ALPK2: variants seen among roughly 807,000 people sequenced by gnomAD.
ALPK2 encodes the protein alpha kinase 2, also known as alpha-protein kinase 2.
In ALPK2, 127 loss-of-function variants were observed where a neutral mutation model predicts 163.1. The ratio of observed to expected loss-of-function variants is 0.78; its 90% confidence interval spans 0.67 to 0.90. The LOEUF is 0.90. Among genes scored for constraint, ALPK2 ranks in the 40% least tolerant of loss-of-function variants. The pLI, the probability that ALPK2 is intolerant of heterozygous loss-of-function variation, is 0.00. For synonymous variants in ALPK2, 953 were observed against 959.1 expected (o/e 0.99, Z 0.12); for missense variants, 2,360 against 2,589.6 (o/e 0.91, Z 1.92).
chr18:58,621,589 G>C (rs1008057634), intron 1 of ALPK2, among the ~76,000 whole-genome samples: 7 of 149,332 alleles, frequency 4.7e-5, no homozygotes, highest in African/African-American at 1.7e-4. Flanking sequence ...CACTTCTATG[G>C]GCAAAGAAGA....
intron 11 of ALPK2, among the ~76,000 whole-genome samples, chr18:58,500,380 T>TG (rs1239027445): frequency 2.6e-5 from 4 of 152,248 alleles, no homozygotes; most frequent in Admixed American, 2.0e-4. Flanking sequence ...TCCTTGAACT[T>TG]GGAGAATTGC....
intron 10 of ALPK2, among the ~76,000 whole-genome samples, chr18:58,508,933 T>C (rs2051475167): frequency 6.6e-6 from 1 of 151,950 alleles, no homozygotes; most frequent in Non-Finnish European, 1.5e-5. Context: ...GTGCACAACC[T>C]GCAGGTTTGT....
At chr18:58,613,046 T>G (rs2052141816) in intron 1 of ALPK2, among the ~76,000 whole-genome samples, 1 of 152,212 alleles carries the variant, frequency 6.6e-6, no homozygotes, top group Admixed American at 6.5e-5. Context: ...CAGCCACAGC[T>G]GTATTGCCAA....
chr18:58,620,712 C>A (rs966847778), intron 1 of ALPK2, among the ~76,000 whole-genome samples: 1 of 152,036 alleles, frequency 6.6e-6, no homozygotes, highest in East Asian at 1.9e-4. Flanking sequence ...AAAATAGGAG[C>A]AAGGAGGCAA....
In ALPK2 at chr18:58,534,895, T is replaced by A; in HGVS notation, c.5292A>T (p.Ser1764=). 6.2e-7 allele frequency: 1 copy of A among 1,614,158 alleles called. No homozygotes were observed. The highest frequency in any genetic ancestry group is 8.5e-7 in the Non-Finnish European group (1 of 1,180,020). The stretch of plus-strand genomic sequence containing the variant: ...CTTGTTTCTCTTCTGTGTGTGATAA[T>A]GATGTTTCGAGTTTGGGCATCTTTT... ...FLKKMPKLET[S]LSHTEEKQDP... Residue 1764 remains serine, a synonymous_variant, in exon 5 of 13, where the codon TCA becomes TCT. Transcript: ENST00000361673.
Position 58,515,021 on chromosome 18 carries a change from G to T in ALPK2, c.6001C>A (p.Pro2001Thr). The change falls in exon 10 of 13, where the codon CCT becomes ACT. Residue 2001 changes from proline (P) to threonine (T), a missense_variant. Transcript: ENST00000361673. ...GGTACTTCTCCAAAGCCTTCCAGAGGCTGTGCTTCAGCAGCGTAGATCTTG... is the reference window on the plus strand; with the variant it reads ...GGTACTTCTCCAAAGCCTTCCAGAGTCTGTGCTTCAGCAGCGTAGATCTTG... ...YAKIYAAEAQ[P>T]LEGFGEVPEI... 4.3e-6 allele frequency: 7 copies of T among 1,612,892 alleles called. No homozygotes were observed. The highest frequency in any genetic ancestry group is 5.9e-6 in the Non-Finnish European group (7 of 1,179,346).
At chr18:58,485,408 C>T (rs995613571) in intron 12 of ALPK2, among the ~76,000 whole-genome samples, 5 of 152,158 alleles carry the variant, frequency 3.3e-5, no homozygotes, top group African/African-American at 1.2e-4. Context: ...TCCTTCCTCT[C>T]GGAAGCTAAA....
intron 5 of ALPK2, among the ~76,000 whole-genome samples, chr18:58,533,822 G>A (rs934696051): frequency 3.3e-5 from 5 of 152,164 alleles, no homozygotes; most frequent in African/African-American, 1.2e-4. Context: ...AAACTCTTCA[G>A]AAGGCAGTTT....
chr18:58,580,209 A>T lies in ALPK2; in HGVS notation c.567T>A (p.Asn189Lys). The T allele has an allele frequency of 6.2e-7, 1 of 1,614,180 alleles. No individual in the cohort carries two copies. The highest frequency in any genetic ancestry group is 8.5e-7 in the Non-Finnish European group (1 of 1,180,040). The change falls in exon 4 of 13, where the codon AAT (asparagine) becomes AAA (lysine). Residue 189 changes from asparagine to lysine, a missense_variant. Physicochemically the swap from Asn to Lys is moderately conservative, Grantham distance 94 (BLOSUM62 0). Coordinates refer to ENST00000361673, the MANE Select transcript of ALPK2 (RefSeq NM_052947.4). Reference protein sequence around the residue: ...NLDISVSSSENPLGVKGTRHT... With the variant: ...NLDISVSSSEKPLGVKGTRHT... The stretch of plus-strand genomic sequence containing the variant: ...GCCTTGTTCCTTTAACACCCAAAGG[A>T]TTTTCAGAACTGGACACACTAATGT...
intron 11 of ALPK2, among the ~76,000 whole-genome samples, chr18:58,499,848 C>T (rs991417590): frequency 6.6e-6 from 1 of 152,258 alleles, no homozygotes; most frequent in African/African-American, 2.4e-5. Context: ...AAGAAAAAAA[C>T]TCAGCATCCC....
At chr18:58,568,048 C>T (rs2051865622) in intron 4 of ALPK2, among the ~76,000 whole-genome samples, 1 of 152,192 alleles carries the variant, frequency 6.6e-6, no homozygotes, top group African/African-American at 2.4e-5. Flanking sequence ...GCCTGGGCCA[C>T]CTCCCTGGGC....
intron 12 of ALPK2, among the ~76,000 whole-genome samples, chr18:58,486,638 G>A (rs917161600): frequency 7.9e-5 from 12 of 152,150 alleles, no homozygotes; most frequent in Non-Finnish European, 1.8e-4. Context: ...GTCAGACAGT[G>A]TTGAACTTCC....
At chr18:58,574,710 T>C (rs771833605) in intron 4 of ALPK2, among the ~76,000 whole-genome samples, 72 of 152,188 alleles carry the variant, frequency 4.7e-4, no homozygotes, top group Non-Finnish European at 1.5e-4. Flanking sequence ...GGAAAAATTG[T>C]CTTCCGCAAA....
Position 58,534,979 on chromosome 18 carries a change from T to C in ALPK2, c.5208A>G (p.Ala1736=), listed in dbSNP as rs769935964. ...GVKKKILSRV[A]ALRLKLEEKE... ...TTTCTTCCAGTTTCAGCCTCAGTGC[T>C]GCCACCCTGGACAAAATTTTCTTCT... The change falls in exon 5 of 13, where the codon GCA becomes GCG. Residue 1736 remains alanine (A), a synonymous_variant. Coordinates refer to ENST00000361673, the MANE Select transcript of ALPK2 (RefSeq NM_052947.4). 1.2e-6 allele frequency: 2 copies of C among 1,614,210 alleles called. No homozygotes were observed. Among genetic ancestry groups the C allele is most frequent in the South Asian group, 2.2e-5 (2 of 91,084 alleles).
intron 4 of ALPK2, among the ~76,000 whole-genome samples, chr18:58,571,266 C>T (rs915606147): frequency 1.4e-4 from 22 of 152,034 alleles, no homozygotes; most frequent in African/African-American, 5.3e-4. Flanking sequence ...AGTGATTCAC[C>T]CACCTCAGCC....
intron 4 of ALPK2, among the ~76,000 whole-genome samples, chr18:58,573,186 G>A (rs9967262): frequency 0.14 from 20,728 of 143,792 alleles, 1,973 homozygotes; most frequent in African/African-American, 0.2. Context: ...CATTATATAT[G>A]TATATGTGTA....
chr18:58,521,264 C>T (rs1015967580), intron 8 of ALPK2, among the ~76,000 whole-genome samples: 1 of 152,178 alleles, frequency 6.6e-6, no homozygotes, highest in Non-Finnish European at 1.5e-5. Context: ...TGGGGTCTCT[C>T]GCCTGACTAG....
chr18:58,496,384 C>A (rs1322881365), intron 12 of ALPK2, among the ~76,000 whole-genome samples: 1 of 152,168 alleles, frequency 6.6e-6, no homozygotes, highest in Non-Finnish European at 1.5e-5. Context: ...AGGGGAGAAG[C>A]CTGGAGACAG....
intron 11 of ALPK2, among the ~76,000 whole-genome samples, chr18:58,502,058 T>G (rs975156979): frequency 2.0e-5 from 3 of 151,130 alleles, no homozygotes; most frequent in African/African-American, 7.3e-5. Flanking sequence ...CCCAGCACTT[T>G]GGGAGGCCAA....
Sources: allele counts gnomAD v4.1 joint callset (sites outside exome capture counted in the v4.1 genomes callset), GRCh38; gene constraint gnomAD v4.1.1; transcripts MANE v1.5; gene names NCBI Gene and HGNC (gene_info 2026-07-23, HGNC 2026-07-21).